Variants in TAFA1 observed in about 807,000 individuals in gnomAD.
TAFA1 encodes the protein chemokine-like protein TAFA-1.
A neutral mutation model predicts 18.5 loss-of-function variants in TAFA1; 4 were observed. The ratio of observed to expected loss-of-function variants is 0.22; its 90% CI spans 0.11 to 0.49. The LOEUF (loss-of-function observed/expected upper bound fraction) is 0.49, where lower values mean the gene tolerates loss of function less well. Among genes scored for constraint, TAFA1 ranks in the 20% least tolerant of loss-of-function variants. The pLI is 0.98. For missense variants in TAFA1, 147 were observed against 169.0 expected (o/e 0.87, Z 0.72); for synonymous variants, 56 against 55.2 (o/e 1.01, Z -0.06).
intron 2 of TAFA1, among the ~76,000 whole-genome samples, chr3:68,077,320 C>T (rs2064837773): frequency 7.6e-6 from 1 of 131,838 alleles, no homozygotes; most frequent in African/African-American, 2.9e-5. Flanking sequence ...TAATTAGATC[C>T]CATTTGTCAA....
intron 2 of TAFA1, among the ~76,000 whole-genome samples, chr3:68,317,261 G>A (rs556116063): frequency 2.6e-5 from 4 of 152,136 alleles, no homozygotes; most frequent in South Asian, 4.1e-4. Flanking sequence ...TCAAGTGAAA[G>A]GTTATCAACT....
At position 68,362,980 on chromosome 3, in the gene TAFA1, C is replaced by CTTTTTTT. The variant is rs10681792; in HGVS notation, c.119-54287_119-54281dup. 1.3e-3 allele frequency among the ~76,000 whole-genome samples: 100 copies of CTTTTTTT among 75,004 alleles called. 3 individuals are homozygous for CTTTTTTT. Among genetic ancestry groups the CTTTTTTT allele is most frequent in the African/African-American group, 4.6e-3 (82 of 17,866 alleles). 49.2% of individuals were successfully genotyped at this position (75,004 alleles called of 152,430 possible). A position where few individuals can be genotyped will look rare whatever the true frequency, so the allele number is the denominator to read the frequency against. On this transcript the variant is annotated intron_variant, in intron 2 of 4. Coordinates refer to ENST00000478136, the MANE Select transcript of TAFA1 (RefSeq NM_213609.4). ...AACGATGTAAGCCCTGTCTTGCAGG[C>CTTTTTTT]TTTTTTTTTTTTTTTTTTTAAATAC...
intron 3 of TAFA1, among the ~76,000 whole-genome samples, chr3:68,425,622 G>A (rs987335834): frequency 2.0e-5 from 3 of 151,876 alleles, no homozygotes; most frequent in Non-Finnish European, 4.4e-5. Flanking sequence ...GAGGATGAAT[G>A]TACAAGAACT....
chr3:68,226,104 T>C (rs890122482), intron 2 of TAFA1, among the ~76,000 whole-genome samples: 1 of 152,226 alleles, frequency 6.6e-6, no homozygotes, highest in African/African-American at 2.4e-5. Context: ...GACCGACTGA[T>C]TGATGGAAAA....
intron 2 of TAFA1, among the ~76,000 whole-genome samples, chr3:68,150,060 T>C (rs185251198): frequency 9.8e-5 from 15 of 152,354 alleles, no homozygotes; most frequent in African/African-American, 3.4e-4. Flanking sequence ...TCTGCATGAC[T>C]TGATTCTTTA....
At chr3:68,055,307 G>A (rs1335920844) in intron 2 of TAFA1, among the ~76,000 whole-genome samples, 1 of 152,014 alleles carries the variant, frequency 6.6e-6, no homozygotes, top group African/African-American at 2.4e-5. Context: ...TATGTATGCG[G>A]GGGGCAAGAG....
rs143787776 is a variant in TAFA1 at position 68,298,736 on chromosome 3, C to T, written c.119-118544C>T. ...CTTCCTGCCACTTTTTGAAGAAGAT[C>T]CCTTGCTTCCCCTTTGCCTTCCACC... On this transcript the variant is annotated intron_variant, in intron 2 of 4. Coordinates refer to ENST00000478136, the MANE Select transcript of TAFA1 (RefSeq NM_213609.4). 3.3e-3 allele frequency among the ~76,000 whole-genome samples: 506 copies of T among 152,272 alleles called. 6 individuals are homozygous for T. The highest frequency in any genetic ancestry group is 0.012 in the African/African-American group (486 of 41,564).
intron 2 of TAFA1, among the ~76,000 whole-genome samples, chr3:68,021,258 A>C (rs1050137304): frequency 2.7e-5 from 4 of 147,062 alleles, no homozygotes; most frequent in African/African-American, 9.9e-5. Flanking sequence ...CTAATAGGGA[A>C]GTTTGATTAA....
intron 3 of TAFA1, among the ~76,000 whole-genome samples, chr3:68,471,491 AAGGCCATGGG>A (rs1366831698): frequency 6.6e-6 from 1 of 152,216 alleles, no homozygotes; most frequent in Admixed American, 6.5e-5. Flanking sequence ...GGAGCTGCCC[AAGGCCATGGG>A]AGGCCACTTC....
At chr3:68,478,340 A>C (rs2072144830) in intron 3 of TAFA1, among the ~76,000 whole-genome samples, 1 of 152,228 alleles carries the variant, frequency 6.6e-6, no homozygotes, top group South Asian at 2.1e-4. Context: ...TTTCTAAATG[A>C]GAGATCTGGA....
intron 2 of TAFA1, among the ~76,000 whole-genome samples, chr3:68,384,888 G>C (rs1193655270): frequency 6.6e-6 from 1 of 151,866 alleles, no homozygotes; most frequent in African/African-American, 2.4e-5. Flanking sequence ...CTTAGGTCTT[G>C]TTGAATTCAA....
intron 2 of TAFA1, among the ~76,000 whole-genome samples, chr3:68,127,216 G>A (rs1162919733): frequency 6.6e-6 from 1 of 152,084 alleles, no homozygotes; most frequent in Non-Finnish European, 1.5e-5. Flanking sequence ...GGGGAGGTCT[G>A]TATAGATAAA....
At position 68,391,959 on chromosome 3, in the gene TAFA1, C is replaced by A. The variant is rs1233678599; in HGVS notation, c.119-25321C>A. Among the ~76,000 whole-genome samples the A allele has an allele frequency of 2.0e-5, 3 of 152,010 alleles. No homozygotes were observed. The East Asian group carries it at 5.8e-4, about 29-fold the overall frequency. ...TGAAGAAACTGCATCAACTAATGGG[C>A]AAAATAACCAGCTGGAATCATAATG... On this transcript the variant is annotated intron_variant, in intron 2 of 4. Transcript: ENST00000478136.
At chr3:68,205,245 C>T (rs1166895480) in intron 2 of TAFA1, among the ~76,000 whole-genome samples, 6 of 151,822 alleles carry the variant, frequency 4.0e-5, no homozygotes, top group Non-Finnish European at 5.9e-5. Flanking sequence ...AACTCTTAGT[C>T]GATAAACCCA....
At chr3:68,527,014 T>C (rs1559706316) in intron 3 of TAFA1, among the ~76,000 whole-genome samples, 1 of 152,190 alleles carries the variant, frequency 6.6e-6, no homozygotes, top group Non-Finnish European at 1.5e-5. Context: ...AGATACAAGG[T>C]ATATACAGTA....
At chr3:68,248,406 A>G (rs906239512) in intron 2 of TAFA1, among the ~76,000 whole-genome samples, 2 of 152,122 alleles carry the variant, frequency 1.3e-5, no homozygotes, top group African/African-American at 4.8e-5. Context: ...AATTTGCCTT[A>G]GGCTTGATGT....
upstream of TAFA1, among the ~76,000 whole-genome samples, chr3:67,999,594 G>T (rs376559351): frequency 3.3e-5 from 5 of 152,110 alleles, no homozygotes; most frequent in South Asian, 1.0e-3. Flanking sequence ...TCTACCATCA[G>T]ATCATATTGG....
chr3:68,146,398 C>G (rs2065741835), intron 2 of TAFA1, among the ~76,000 whole-genome samples: 1 of 152,250 alleles, frequency 6.6e-6, no homozygotes, highest in Non-Finnish European at 1.5e-5. Context: ...CTTGATAAAG[C>G]TTAGATCCCA....
chr3:68,004,273 T>C lies in TAFA1; in HGVS notation c.-433T>C, dbSNP rs1053344875. On this transcript the variant is annotated 5_prime_UTR_variant, in exon 1 of 5. Coordinates refer to ENST00000478136, the MANE Select transcript of TAFA1 (RefSeq NM_213609.4). ...GACTACTGCTACTTACAGCACCGTA[T>C]AGCAGCCCTGCTCCTACATTTTGCT... 2 of 152,232 alleles carry C rather than the reference T, an allele frequency of 1.3e-5. No homozygotes were observed. The highest frequency in any genetic ancestry group is 2.4e-5 in the African/African-American group (1 of 41,454). The allele number at this position is 152,232 out of a possible 1,614,324, so 9.4% of individuals were successfully genotyped here.
Sources: allele counts gnomAD v4.1 joint callset (sites outside exome capture counted in the v4.1 genomes callset), GRCh38; gene constraint gnomAD v4.1.1; transcripts MANE v1.5; gene names NCBI Gene and HGNC (gene_info 2026-07-23, HGNC 2026-07-21).